The following MYSM1 variants were observed in gnomAD, a reference collection of about 807,000 sequenced individuals.
MYSM1 encodes Myb like, SWIRM and MPN domains 1.
Under a neutral mutation model 116.0 loss-of-function variants are expected in MYSM1, and 51 were observed. That is an observed-to-expected ratio of 0.44 (90% CI 0.35 to 0.56). The LOEUF is 0.56. MYSM1 is among the 20% of genes least tolerant of loss of function. MYSM1 has a pLI of 0.00. For synonymous variants in MYSM1, 313 were observed against 315.2 expected, an observed-to-expected ratio of 0.99 and a Z score of 0.07; for missense variants, 900 against 974.9, an observed-to-expected ratio of 0.92 and a Z score of 1.02.
chr1:58,682,699 C>CT (rs768660432), intron 7 of MYSM1, among the ~76,000 whole-genome samples, 154 bp from the exon 8 acceptor site: 159 of 89,132 alleles, frequency 1.8e-3, no homozygotes, highest in South Asian at 3.8e-3. Context: ...TTTTTCTTTT[C>CT]TTTTTTTTTT....
intron 11 of MYSM1, 54 bp downstream of exon 11, chr1:58,673,519 T>TATATATTTAAAAACCA: frequency 7.4e-7 from 1 of 1,354,360 alleles, no homozygotes; most frequent in East Asian, 2.3e-5. Context: ...GATGTACAAA[T>TATATATTTAAAAACCA]ATATATTTAA....
chr1:58,665,795 A>T (rs1483907958), intron 16 of MYSM1, among the ~76,000 whole-genome samples, 164 bp from the exon 17 acceptor site: 1 of 152,244 alleles, frequency 6.6e-6, no homozygotes, highest in Non-Finnish European at 1.5e-5. Context: ...CTGTAATCCC[A>T]GCACTTTGGG....
Position 58,690,339 on chromosome 1 carries a change from C to T in MYSM1, c.296+1G>A. ...TTAGAAATATTATAAATTGATTTTA[C>T]CTCTTCATGTATTTTTTATCATCTT... is the stretch of plus-strand genomic sequence containing the variant. On this transcript the variant is annotated splice_donor_variant, in intron 4 of 19. Transcript: ENST00000472487. LOFTEE classifies it high-confidence loss of function. The T allele has an allele frequency of 6.3e-7, 1 of 1,596,978 alleles. No homozygotes were observed. Among genetic ancestry groups the T allele is most frequent in the East Asian group, 2.2e-5 (1 of 44,598 alleles).
At chr1:58,693,388 A>C (rs1487645864) in intron 2 of MYSM1, among the ~76,000 whole-genome samples, 2 of 152,170 alleles carry the variant, frequency 1.3e-5, no homozygotes, top group Non-Finnish European at 2.9e-5. Context: ...TTCAAGCTCT[A>C]GGCCATAATA....
In MYSM1 at chr1:58,671,955, G is replaced by A; in HGVS notation, c.1576C>T (p.Leu526Phe). ...CTTTTTGCCAACTCCTCAGCAGAGA[G>A]ATGCTAAAACAAAATGCCAATTGAT... ...KDLEGQTFEHLSAEELAKRRE... is the reference protein window; with the variant it reads ...KDLEGQTFEHFSAEELAKRRE... Residue 526 changes from leucine to phenylalanine, a missense_variant, in exon 12 of 20, where the codon CTC becomes TTC. Physicochemically the swap from Leu to Phe is conservative, Grantham distance 22 (BLOSUM62 0). Around this residue, in one of 3 missense-constraint regions of MYSM1, gnomAD observed 622 missense variants for 623.7 expected, o/e 1.00. Coordinates refer to ENST00000472487, the MANE Select transcript of MYSM1 (RefSeq NM_001085487.3). The A allele has an allele frequency of 6.2e-7, 1 of 1,612,416 alleles. No homozygotes were observed. Among genetic ancestry groups the A allele is most frequent in the Non-Finnish European group, 8.5e-7 (1 of 1,179,360 alleles).
At chr1:58,690,456 AG>A in intron 3 of MYSM1, 39 bp from the exon 4 acceptor site, 1 of 1,376,324 alleles carries the variant, frequency 7.3e-7, no homozygotes, top group Non-Finnish European at 1.0e-6. Flanking sequence ...ACAATATTAC[AG>A]TCATGTAATT....
At chr1:58,680,613 T>A (rs946002296) in intron 8 of MYSM1, among the ~76,000 whole-genome samples, 1 of 152,144 alleles carries the variant, frequency 6.6e-6, no homozygotes, top group Non-Finnish European at 1.5e-5. Flanking sequence ...GGTTACCGAT[T>A]TATTATAGCA....
At position 58,690,166 on chromosome 1, in the gene MYSM1, T is replaced by G. The variant is rs565567163; in HGVS notation, c.320+60A>C. 9 of 1,350,050 alleles carry G rather than the reference T, an allele frequency of 6.7e-6. No homozygotes were observed. The East Asian group carries it at 8.0e-5, about 12-fold the overall frequency. 83.6% of individuals were successfully genotyped at this position (1,350,050 alleles called of 1,614,324 possible). On this transcript the variant is annotated intron_variant, in intron 5 of 19. Coordinates refer to ENST00000472487, the MANE Select transcript of MYSM1 (RefSeq NM_001085487.3). ...CAGGCCAACTATAATTAAAAAAAAA[T>G]TATTCCATAATTTTTAACTAATGAA...
intron 16 of MYSM1, 43 bp downstream of exon 16, chr1:58,666,995 G>C (rs778649881): frequency 8.6e-7 from 1 of 1,160,226 alleles, no homozygotes; most frequent in Admixed American, 2.1e-5. Flanking sequence ...GAGCATTGAG[G>C]GGGTGTGCAA....
chr1:58,671,949 C>A lies in MYSM1; in HGVS notation c.1582G>T (p.Ala528Ser). 3 of 1,612,748 alleles carry A rather than the reference C, an allele frequency of 1.9e-6. No individual in the cohort carries two copies. The highest frequency in any genetic ancestry group is 1.7e-6 in the Non-Finnish European group (2 of 1,179,510). Residue 528 changes from alanine to serine, a missense_variant, in exon 12 of 20, where the codon GCT (alanine) becomes TCT (serine). By Grantham distance (99) the Ala-to-Ser change is moderately conservative (BLOSUM62 1). Transcript: ENST00000472487. ...LEGQTFEHLS[A>S]EELAKRREEE... is the part of the protein sequence containing the mutation. ...TCTCTTCTTTTTGCCAACTCCTCAG[C>A]AGAGAGATGCTAAAACAAAATGCCA... is the stretch of plus-strand genomic sequence containing the variant.
chr1:58,690,308 A>G, intron 4 of MYSM1, 32 bp downstream of exon 4: 1 of 1,585,446 alleles, frequency 6.3e-7, no homozygotes, highest in Non-Finnish European at 8.6e-7. Context: ...ACTACAATCC[A>G]GACTTTTAGA....
rs928608515 is a variant in MYSM1 at position 58,656,729 on chromosome 1, C to G, written c.*3268G>C. 5 of 152,136 alleles carry G rather than the reference C, an allele frequency of 3.3e-5. No homozygotes were observed. Among genetic ancestry groups the G allele is most frequent in the African/African-American group, 1.2e-4 (5 of 41,416 alleles). The allele number at this position is 152,136 out of a possible 1,614,324, so 9.4% of individuals were successfully genotyped here. ...GGAGAAGGGGACAGAATAATGACTG[C>G]TATTTTTCCAATGATGCCCTTCAGA... On this transcript the variant is annotated 3_prime_UTR_variant, in exon 20 of 20. Coordinates refer to ENST00000472487, the MANE Select transcript of MYSM1 (RefSeq NM_001085487.3).
At chr1:58,682,685 CTTTTT>C (rs1013064809) in intron 7 of MYSM1, 140 bp from the exon 8 acceptor site, 1 of 325,236 alleles carries the variant, frequency 3.1e-6, no homozygotes, top group Non-Finnish European at 4.6e-6. Flanking sequence ...ATGCGCTTTT[CTTTTT>C]TTTCTTTTCT....
intron 3 of MYSM1, 65 bp from the exon 4 acceptor site, chr1:58,690,482 A>G: frequency 8.6e-7 from 1 of 1,162,332 alleles, no homozygotes. Flanking sequence ...CATTACTTAT[A>G]CAAAACGTGT....
intron 2 of MYSM1, among the ~76,000 whole-genome samples, chr1:58,694,513 C>G (rs530904848): frequency 2.6e-5 from 4 of 151,746 alleles, no homozygotes; most frequent in African/African-American, 4.8e-5. Context: ...CCCAGCTACT[C>G]GGGAGACTGA....
chr1:58,671,123 T>G (rs538681441), intron 12 of MYSM1, among the ~76,000 whole-genome samples: 1 of 152,260 alleles, frequency 6.6e-6, no homozygotes, highest in South Asian at 2.1e-4. Context: ...AATCAACAGC[T>G]CCACTACTTG....
In MYSM1 at chr1:58,665,635, C is replaced by T; in HGVS notation, c.2032-4G>A. 3 of 1,516,860 alleles carry T rather than the reference C, an allele frequency of 2.0e-6. No individual in the cohort carries two copies. The African/African-American group carries it at 4.2e-5, about 21-fold the overall frequency. 94.0% of individuals were successfully genotyped at this position (1,516,860 alleles called of 1,614,324 possible). Reference sequence around the variant, plus strand: ...CACCTCCTCTGGAGAAGTAACTCTACAATGACAAGAAAAATATAATTAGTT... The same window carrying T: ...CACCTCCTCTGGAGAAGTAACTCTATAATGACAAGAAAAATATAATTAGTT... On this transcript the variant is annotated splice_region_variant and splice_polypyrimidine_tract_variant and intron_variant, in intron 16 of 19. Coordinates refer to ENST00000472487, the MANE Select transcript of MYSM1 (RefSeq NM_001085487.3).
chr1:58,667,742 T>A, intron 15 of MYSM1, 105 bp downstream of exon 15: 1 of 712,206 alleles, frequency 1.4e-6, no homozygotes, highest in Non-Finnish European at 2.5e-6. Flanking sequence ...ATATATATCA[T>A]AGGTAAAGTC....
intron 1 of MYSM1, among the ~76,000 whole-genome samples, chr1:58,698,614 G>A (rs1321455322): frequency 1.3e-5 from 2 of 152,136 alleles, no homozygotes; most frequent in Admixed American, 1.3e-4. Context: ...ATGCCCTCAG[G>A]TGACCAATCT....
Sources: gnomAD v4.1 joint callset for allele counts (sites outside exome capture counted in the v4.1 genomes callset) on GRCh38, gnomAD v4.1.1 for gene constraint, gnomAD v4.1.1 regional missense constraint, MANE v1.5 for transcripts, NCBI Gene and HGNC (gene_info 2026-07-23, HGNC 2026-07-21) for gene names.